The following IL10RB variants were observed in gnomAD, a reference collection of about 807,000 sequenced individuals.
IL10RB encodes the protein interleukin 10 receptor subunit beta.
In IL10RB, 30 loss-of-function variants were observed where a neutral mutation model predicts 38.7. The ratio of observed to expected loss-of-function variants is 0.78; its 90% confidence interval spans 0.58 to 1.05. The LOEUF (loss-of-function observed/expected upper bound fraction) is 1.05. Ranked by LOEUF, IL10RB falls within the 50% of genes least tolerant of loss-of-function variation. The pLI is 0.00. For synonymous variants in IL10RB, 142 were observed against 145.9 expected (o/e 0.97, Z 0.19); for missense variants, 328 against 397.1 (o/e 0.83, Z 1.48).
chr21:33,272,843 T>C (rs1184545362), intron 2 of IL10RB, among the ~76,000 whole-genome samples: 1 of 152,200 alleles, frequency 6.6e-6, no homozygotes, highest in Non-Finnish European at 1.5e-5. Context: ...TTCAGGAGAT[T>C]GTATTTCCCT....
At chr21:33,278,948 T>A (rs8178484) in intron 3 of IL10RB, among the ~76,000 whole-genome samples, 2 of 152,056 alleles carry the variant, frequency 1.3e-5, no homozygotes, top group African/African-American at 4.8e-5. Flanking sequence ...CATTCTATAG[T>A]TATTATTGAG....
At chr21:33,304,459 T>G (rs2123614696) in intron 1 of IL10RB, among the ~76,000 whole-genome samples, 1 of 152,304 alleles carries the variant, frequency 6.6e-6, no homozygotes, top group Middle Eastern at 3.4e-3. Flanking sequence ...ATCCAGCCAA[T>G]ATCCATCCAG....
At chr21:33,280,287 C>A (rs1246600567) in intron 4 of IL10RB, among the ~76,000 whole-genome samples, 2 of 152,158 alleles carry the variant, frequency 1.3e-5, no homozygotes, top group African/African-American at 4.8e-5. Flanking sequence ...CAGGGACGTC[C>A]GTGGTCAAGA....
chr21:33,303,078 A>G (rs2082989929), intron 1 of IL10RB, among the ~76,000 whole-genome samples: 1 of 152,114 alleles, frequency 6.6e-6, no homozygotes, highest in Non-Finnish European at 1.5e-5. Context: ...CACCTCAACT[A>G]AGGCCTCCTT....
At chr21:33,274,612 A>G (rs1365148040) in intron 2 of IL10RB, among the ~76,000 whole-genome samples, 1 of 152,238 alleles carries the variant, frequency 6.6e-6, no homozygotes, top group Admixed American at 6.5e-5. Flanking sequence ...TTCTTGGGGA[A>G]CCAGGTACAT....
In IL10RB at chr21:33,294,181, C is replaced by T. The variant is rs1601838515; in HGVS notation, c.805-2003C>T. Reference sequence around the variant, plus strand: ...TGGAGGGTGCTGGAGAAGGGCCAGGCAACTACGGAGCAGTTCGAGGTCCTC... The same window carrying T: ...TGGAGGGTGCTGGAGAAGGGCCAGGTAACTACGGAGCAGTTCGAGGTCCTC... On this transcript the variant is annotated intron_variant, in intron 6 of 6. Transcript: ENST00000290200. 3 of 400,152 alleles carry T rather than the reference C, an allele frequency of 7.5e-6. No homozygotes were observed. In the East Asian group the frequency reaches 2.3e-4, roughly 30 times the overall value. 24.8% of individuals were successfully genotyped at this position (400,152 alleles called of 1,614,324 possible).
intron 6 of IL10RB, among the ~76,000 whole-genome samples, chr21:33,290,293 T>A (rs1046786006): frequency 6.6e-6 from 1 of 151,794 alleles, no homozygotes; most frequent in East Asian, 1.9e-4. Context: ...ATCTCAAAAT[T>A]TAAAAAATTT....
chr21:33,280,040 T>A lies in IL10RB; in HGVS notation c.498+122T>A, dbSNP rs1175445214. 4.6e-6 allele frequency: 4 copies of A among 863,806 alleles called. No homozygotes were observed. In the Admixed American group the frequency reaches 5.2e-5, roughly 11 times the overall value. The allele number at this position is 863,806 out of a possible 1,614,324, so 53.5% of individuals were successfully genotyped here. Reference sequence around the variant, plus strand: ...GCCAAGAGCTTCCCAGACTGAGGGGTTACTGGTATCTCTGGCTCAAGCTTC... The same window carrying A: ...GCCAAGAGCTTCCCAGACTGAGGGGATACTGGTATCTCTGGCTCAAGCTTC... On this transcript the variant is annotated intron_variant, in intron 4 of 6. Coordinates refer to ENST00000290200, the MANE Select transcript of IL10RB (RefSeq NM_000628.5).
At chr21:33,303,447 C>T (rs2082991052) in intron 1 of IL10RB, among the ~76,000 whole-genome samples, 3 of 150,750 alleles carry the variant, frequency 2.0e-5, no homozygotes, top group South Asian at 2.1e-4. Flanking sequence ...CTCCACCTCC[C>T]GGGTTCAAGC....
chr21:33,267,372 A>T (rs1271517331), intron 1 of IL10RB, among the ~76,000 whole-genome samples: 3 of 151,604 alleles, frequency 2.0e-5, no homozygotes, highest in Non-Finnish European at 4.4e-5. Flanking sequence ...TGACTCGCAC[A>T]TTTATATCTC....
Position 33,266,518 on chromosome 21 carries a change from A to T in IL10RB, c.49+4A>T. On this transcript the variant is annotated splice_donor_region_variant and intron_variant, in intron 1 of 6. Transcript: ENST00000290200. ...GGTGGCTGCCTGCTGGTGTCAGGTG[A>T]GGGGTCCGCGGGGAGGGGGCGCGCT... The T allele has an allele frequency of 6.5e-7, 1 of 1,542,208 alleles. No individual in the cohort carries two copies. Among genetic ancestry groups the T allele is most frequent in the Non-Finnish European group, 8.7e-7 (1 of 1,147,214 alleles).
chr21:33,277,263 A>G (rs1334930545), intron 3 of IL10RB, among the ~76,000 whole-genome samples: 1 of 151,600 alleles, frequency 6.6e-6, no homozygotes, highest in Non-Finnish European at 1.5e-5. Flanking sequence ...TTCCCAGGTT[A>G]GGTGGAGATT....
Position 33,283,106 on chromosome 21 carries a change from C to G in IL10RB, c.511C>G (p.Pro171Ala), listed in dbSNP as rs752902509. The change falls in exon 5 of 7, where the codon CCC becomes GCC. Residue 171 changes from proline (P) to alanine (A), a missense_variant. Pro to Ala is a conservative substitution (Grantham distance 27, BLOSUM62 -1). Coordinates refer to ENST00000290200, the MANE Select transcript of IL10RB (RefSeq NM_000628.5). ...TCTCCATTACTAGTTTCAAATTACT[C>G]CCCAGTATGACTTTGAGGTCCTCAG... ...NGTDEKFQIT[P>A]QYDFEVLRNL... 2 of 1,612,888 alleles carry G rather than the reference C, an allele frequency of 1.2e-6. No individual in the cohort carries two copies. The highest frequency in any genetic ancestry group is 1.7e-6 in the Non-Finnish European group (2 of 1,178,954).
chr21:33,269,859 C>T (rs1989044246), intron 2 of IL10RB, among the ~76,000 whole-genome samples: 1 of 152,050 alleles, frequency 6.6e-6, no homozygotes, highest in Non-Finnish European at 1.5e-5. Context: ...GGGGTTTCAC[C>T]GTGTTAGCCA....
At chr21:33,301,634 A>G (rs540482712), downstream of IL10RB, among the ~76,000 whole-genome samples, 2 of 152,352 alleles carry the variant, frequency 1.3e-5, no homozygotes, top group East Asian at 1.9e-4. Context: ...CACCTGCCCT[A>G]TGGAGCTGAT....
chr21:33,269,498 G>A (rs938548903), intron 2 of IL10RB, among the ~76,000 whole-genome samples: 9 of 152,210 alleles, frequency 5.9e-5, no homozygotes, highest in African/African-American at 1.9e-4. Flanking sequence ...CATCAGAGAA[G>A]AAGTAGAAAG....
intron 6 of IL10RB, 106 bp from the exon 7 acceptor site, chr21:33,296,078 A>C: frequency 2.6e-6 from 2 of 772,910 alleles, no homozygotes; most frequent in Non-Finnish European, 4.2e-6. Context: ...ATAAATAAAT[A>C]AAATAAAATA....
intron 2 of IL10RB, 44 bp from the exon 3 acceptor site, chr21:33,276,552 G>A (rs762497036): frequency 5.7e-6 from 9 of 1,565,256 alleles, no homozygotes; most frequent in Admixed American, 1.7e-5. Flanking sequence ...CAGGGAGACT[G>A]AAGCCAGAAC....
In IL10RB at chr21:33,309,748, G is replaced by GT. The variant is rs558886830; in HGVS notation, c.*770dup. 64 of 152,290 alleles carry GT rather than the reference G, an allele frequency of 4.2e-4. 1 individual carries two copies. The East Asian group carries it at 0.011, about 27-fold the overall frequency. The allele number at this position is 152,290 out of a possible 1,614,324, so 9.4% of individuals were successfully genotyped here. On this transcript the variant is annotated 3_prime_UTR_variant, in exon 2 of 2. Coordinates refer to the IL10RB transcript ENST00000609556. ...CCCAAAAAGTATGTAGAGAATAACA[G>GT]TTTAAGTCCTCCAGAGGAGTTACTA...
Sources: gnomAD v4.1 joint callset for allele counts (sites outside exome capture counted in the v4.1 genomes callset) on GRCh38, gnomAD v4.1.1 for gene constraint, MANE v1.5 for transcripts, NCBI Gene and HGNC (gene_info 2026-07-23, HGNC 2026-07-21) for gene names.